The following RAMP2 variants were observed in gnomAD, a reference collection of about 807,000 sequenced individuals.
RAMP2 encodes the protein receptor activity modifying protein 2.
Under a neutral mutation model 18.2 loss-of-function variants are expected in RAMP2, and 11 were observed. That is an observed-to-expected ratio of 0.60 (90% CI 0.38 to 1.00). The LOEUF (loss-of-function observed/expected upper bound fraction) is 1.00, where lower values mean the gene tolerates loss of function less well. RAMP2 is among the 50% of genes least tolerant of loss of function. The pLI, the probability that RAMP2 is intolerant of heterozygous loss-of-function variation, is 0.01. For missense variants in RAMP2, 191 were observed against 226.5 expected, an observed-to-expected ratio of 0.84 and a Z score of 1.01; for synonymous variants, 86 against 90.8, an observed-to-expected ratio of 0.95 and a Z score of 0.30.
intron 3 of RAMP2, 41 bp downstream of exon 3, chr17:42,762,504 ACCTGCTCATTGCAGGTAGAC>A (rs1316945681): frequency 3.1e-6 from 5 of 1,611,748 alleles, no homozygotes; most frequent in Non-Finnish European, 4.2e-6. Flanking sequence ...CAGGGGGTGG[ACCTGCTCATTGCAGGTAGAC>A]CCTGAGTGAG....
Position 42,761,309 on chromosome 17 carries a change from G to C in RAMP2, c.48G>C (p.Arg16Ser), listed in dbSNP as rs1597884899. 1.5e-6 allele frequency: 2 copies of C among 1,363,508 alleles called. No individual in the cohort carries two copies. The highest frequency in any genetic ancestry group is 3.5e-5 in the South Asian group (2 of 56,682). 84.5% of individuals were successfully genotyped at this position (1,363,508 alleles called of 1,614,324 possible). A position where few individuals can be genotyped will look rare whatever the true frequency, so the allele number is the denominator to read the frequency against. The change falls in exon 1 of 4, where the codon AGG becomes AGC. Residue 16 changes from arginine (R) to serine (S), a missense_variant. Physicochemically the swap from Arg to Ser is moderately radical, Grantham distance 110. Coordinates refer to ENST00000253796, the MANE Select transcript of RAMP2 (RefSeq NM_005854.3). The surrounding 1 kb of genome is among the most constrained non-coding windows in gnomAD (Gnocchi z 4.2). ...GCGCCGGCGGCCCGCGTCTCCCTAG[G>C]ACCCGAGTCGGGCGGCCGGCAGCGC... The part of the protein sequence containing the change: ...VERAGGPRLP[R>S]TRVGRPAALR...
Position 42,762,728 on chromosome 17 carries a change from A to T in RAMP2, c.404A>T (p.Gln135Leu), listed in dbSNP as rs753918093. 1 of 1,614,060 alleles carries T rather than the reference A, an allele frequency of 6.2e-7. No individual in the cohort carries two copies. Among genetic ancestry groups the T allele is most frequent in the Non-Finnish European group, 8.5e-7 (1 of 1,179,982 alleles). ...CACTTTGCCAACTGCTCCCTGGTGCAGCCCACCTTCTCTGACCCCCCAGAG... is the reference window on the plus strand; with the variant it reads ...CACTTTGCCAACTGCTCCCTGGTGCTGCCCACCTTCTCTGACCCCCCAGAG... Reference protein sequence around the residue: ...QIHFANCSLVQPTFSDPPEDV... With the variant: ...QIHFANCSLVLPTFSDPPEDV... Residue 135 changes from glutamine (Q) to leucine (L), a missense_variant, in exon 4 of 4, where the codon CAG (glutamine) becomes CTG (leucine). Gln to Leu is a moderately radical substitution (Grantham distance 113). Coordinates refer to ENST00000253796, the MANE Select transcript of RAMP2 (RefSeq NM_005854.3).
chr17:42,762,758 T>C lies in RAMP2; in HGVS notation c.434T>C (p.Val145Ala), dbSNP rs200498109. The C allele has an allele frequency of 6.2e-7, 1 of 1,614,090 alleles. No individual in the cohort carries two copies. The highest frequency in any genetic ancestry group is 8.5e-7 in the Non-Finnish European group (1 of 1,179,962). The stretch of plus-strand genomic sequence containing the variant: ...ACCTTCTCTGACCCCCCAGAGGATG[T>C]ACTCCTGGCCATGATCATAGCCCCC... Reference protein sequence around the residue: ...QPTFSDPPEDVLLAMIIAPIC... With the variant: ...QPTFSDPPEDALLAMIIAPIC... Residue 145 changes from valine (V) to alanine (A), a missense_variant, in exon 4 of 4, where the codon GTA (valine) becomes GCA (alanine). Val to Ala is a moderately conservative substitution (Grantham distance 64). Coordinates refer to ENST00000253796, the MANE Select transcript of RAMP2 (RefSeq NM_005854.3).
chr17:42,761,796 C>G lies in RAMP2; in HGVS notation c.98-38C>G. 3 of 1,526,634 alleles carry G rather than the reference C, an allele frequency of 2.0e-6. No homozygotes were observed. The highest frequency in any genetic ancestry group is 2.7e-6 in the Non-Finnish European group (3 of 1,100,860). The allele number at this position is 1,526,634 out of a possible 1,614,324, so 94.6% of individuals were successfully genotyped here. ...CCTCGCAGGCTCCACTGCCGGGGTC[C>G]CCGCTATGTTACCCTCCTCTCCCGT... is the stretch of plus-strand genomic sequence containing the variant. On this transcript the variant is annotated intron_variant, in intron 1 of 3. Transcript: ENST00000253796. This position sits in a 1 kb window ranked among gnomAD's most constrained non-coding sequence, Gnocchi z 4.2.
At chr17:42,762,505 C>T in intron 3 of RAMP2, 42 bp downstream of exon 3, 1 of 1,611,768 alleles carries the variant, frequency 6.2e-7, no homozygotes, top group Non-Finnish European at 8.5e-7. Flanking sequence ...AGGGGGTGGA[C>T]CTGCTCATTG....
chr17:42,761,363 G>A lies in RAMP2; in HGVS notation c.97+5G>A. 7.5e-7 allele frequency: 1 copy of A among 1,328,034 alleles called. No homozygotes were observed. Among genetic ancestry groups the A allele is most frequent in the South Asian group, 2.0e-5 (1 of 48,886 alleles). 82.3% of individuals were successfully genotyped at this position (1,328,034 alleles called of 1,614,324 possible). On this transcript the variant is annotated splice_donor_5th_base_variant and intron_variant, in intron 1 of 3. Coordinates refer to ENST00000253796, the MANE Select transcript of RAMP2 (RefSeq NM_005854.3). The surrounding 1 kb of genome is among the most constrained non-coding windows in gnomAD (Gnocchi z 4.2). Reference sequence around the variant, plus strand: ...GCCTCCTCCTCCTGCTGGGCGGTGAGCGCGGCGCCCCGAGGCCCGGGCGGG... The same window carrying A: ...GCCTCCTCCTCCTGCTGGGCGGTGAACGCGGCGCCCCGAGGCCCGGGCGGG...
Position 42,761,469 on chromosome 17 carries a change from G to T in RAMP2, c.97+111G>T, listed in dbSNP as rs535143548. ...AGGCCGGAACGGGCCCTGGGGTGCG[G>T]GTTAGGACCGACGTACCTAGCAGCA... On this transcript the variant is annotated intron_variant, in intron 1 of 3. Coordinates refer to ENST00000253796, the MANE Select transcript of RAMP2 (RefSeq NM_005854.3). This position sits in a 1 kb window ranked among gnomAD's most constrained non-coding sequence, Gnocchi z 4.2. 13 of 933,128 alleles carry T rather than the reference G, an allele frequency of 1.4e-5. No homozygotes were observed. The Admixed American group carries it at 1.5e-4, about 11-fold the overall frequency. The allele number at this position is 933,128 out of a possible 1,614,324, so 57.8% of individuals were successfully genotyped here.
intron 3 of RAMP2, 27 bp downstream of exon 3, chr17:42,762,490 A>G: frequency 6.2e-7 from 1 of 1,613,368 alleles, no homozygotes; most frequent in East Asian, 2.2e-5. Context: ...AGGGTGGCTC[A>G]GGCCAGGGGG....
At position 42,761,395 on chromosome 17, in the gene RAMP2, G is replaced by T. The variant is rs2054363465; in HGVS notation, c.97+37G>T. 11 of 1,277,744 alleles carry T rather than the reference G, an allele frequency of 8.6e-6. No individual in the cohort carries two copies. Among genetic ancestry groups the T allele is most frequent in the South Asian group, 4.4e-5 (2 of 45,442 alleles). 79.2% of individuals were successfully genotyped at this position (1,277,744 alleles called of 1,614,324 possible). A position where few individuals can be genotyped will look rare whatever the true frequency, so the allele number is the denominator to read the frequency against. ...GCCCCGAGGCCCGGGCGGGAGGCGC[G>T]AGAGGCCCCGGAGGGGAGAGGGGAG... is the stretch of plus-strand genomic sequence containing the variant. On this transcript the variant is annotated intron_variant, in intron 1 of 3. Transcript: ENST00000253796. This position sits in a 1 kb window ranked among gnomAD's most constrained non-coding sequence, Gnocchi z 4.2.
Position 42,762,781 on chromosome 17 carries a change from C to T in RAMP2, c.457C>T (p.Pro153Ser). Residue 153 changes from proline to serine, a missense_variant, in exon 4 of 4, where the codon CCC (proline) becomes TCC (serine). Coordinates refer to ENST00000253796, the MANE Select transcript of RAMP2 (RefSeq NM_005854.3). ...EDVLLAMIIA[P>S]ICLIPFLITL... The stretch of plus-strand genomic sequence containing the variant: ...TGTACTCCTGGCCATGATCATAGCC[C>T]CCATCTGCCTCATCCCCTTCCTCAT... The T allele has an allele frequency of 1.9e-6, 3 of 1,613,958 alleles. No homozygotes were observed. Among genetic ancestry groups the T allele is most frequent in the Non-Finnish European group, 2.5e-6 (3 of 1,179,932 alleles).
chr17:42,762,356 G>A lies in RAMP2; in HGVS notation c.165G>A (p.Gly55=). ...ATTGTGTAGCATCTGTACCTACAGGGGGGACGGTGAAGAACTATGAGACAG... is the reference window on the plus strand; with the variant it reads ...ATTGTGTAGCATCTGTACCTACAGGAGGGACGGTGAAGAACTATGAGACAG... ...LPTTGTPGSE[G]GTVKNYETAV... is the part of the protein sequence containing the mutation. Residue 55 remains glycine, a splice_region_variant and synonymous_variant, in exon 3 of 4, where the codon GGG becomes GGA. Coordinates refer to ENST00000253796, the MANE Select transcript of RAMP2 (RefSeq NM_005854.3). The A allele has an allele frequency of 3.1e-6, 5 of 1,614,064 alleles. No homozygotes were observed. The highest frequency in any genetic ancestry group is 4.2e-6 in the Non-Finnish European group (5 of 1,179,976).
Position 42,761,492 on chromosome 17 carries a change from G to A in RAMP2, c.97+134G>A. ...CGGGTTAGGACCGACGTACCTAGCA[G>A]CACTGGCCCTCGGACGGTCCCTGAC... On this transcript the variant is annotated intron_variant, in intron 1 of 3. Coordinates refer to ENST00000253796, the MANE Select transcript of RAMP2 (RefSeq NM_005854.3). This position sits in a 1 kb window ranked among gnomAD's most constrained non-coding sequence, Gnocchi z 4.2. 2 of 767,742 alleles carry A rather than the reference G, an allele frequency of 2.6e-6. No individual in the cohort carries two copies. The highest frequency in any genetic ancestry group is 1.9e-6 in the Non-Finnish European group (1 of 515,626). 47.6% of individuals were successfully genotyped at this position (767,742 alleles called of 1,614,324 possible).
At chr17:42,762,566 C>T (rs899341750) in intron 3 of RAMP2, 31 bp from the exon 4 acceptor site, 10 of 1,577,358 alleles carry the variant, frequency 6.3e-6, no homozygotes, top group African/African-American at 1.4e-5. Flanking sequence ...GGTCCACCCC[C>T]TCTCTCACTC....
At position 42,761,444 on chromosome 17, in the gene RAMP2, A is replaced by C. The variant is rs2054363986; in HGVS notation, c.97+86A>C. The C allele has an allele frequency of 1.8e-6, 2 of 1,116,380 alleles. No homozygotes were observed. The highest frequency in any genetic ancestry group is 3.2e-5 in the East Asian group (1 of 31,140). The allele number at this position is 1,116,380 out of a possible 1,614,324, so 69.2% of individuals were successfully genotyped here. On this transcript the variant is annotated intron_variant, in intron 1 of 3. Transcript: ENST00000253796. The surrounding 1 kb of genome is among the most constrained non-coding windows in gnomAD (Gnocchi z 4.2). ...AGAGGGGAGAGGGGCTGGATGGCCGAGGCCGGAACGGGCCCTGGGGTGCGG... is the reference window on the plus strand; with the variant it reads ...AGAGGGGAGAGGGGCTGGATGGCCGCGGCCGGAACGGGCCCTGGGGTGCGG...
At position 42,762,897 on chromosome 17, in the gene RAMP2, C is replaced by A. The variant is rs2054374819; in HGVS notation, c.*45C>A. ...CAACCATGTTACTCCACTTCCCCACCCCCACCAGGCCTCCCTCCTCCCCTC... is the reference window on the plus strand; with the variant it reads ...CAACCATGTTACTCCACTTCCCCACACCCACCAGGCCTCCCTCCTCCCCTC... On this transcript the variant is annotated 3_prime_UTR_variant, in exon 4 of 4. Transcript: ENST00000253796. 1.3e-6 allele frequency: 2 copies of A among 1,522,168 alleles called. No individual in the cohort carries two copies. The highest frequency in any genetic ancestry group is 1.9e-5 in the Admixed American group (1 of 53,464). 94.3% of individuals were successfully genotyped at this position (1,522,168 alleles called of 1,614,324 possible). A position where few individuals can be genotyped will look rare whatever the true frequency, so the allele number is the denominator to read the frequency against.
Position 42,761,485 on chromosome 17 carries a change from C to T in RAMP2, c.97+127C>T. The T allele has an allele frequency of 2.5e-6, 2 of 784,616 alleles. No homozygotes were observed. The highest frequency in any genetic ancestry group is 3.7e-6 in the Non-Finnish European group (2 of 538,726). The allele number at this position is 784,616 out of a possible 1,614,324, so 48.6% of individuals were successfully genotyped here. A position where few individuals can be genotyped will look rare whatever the true frequency, so the allele number is the denominator to read the frequency against. ...TGGGGTGCGGGTTAGGACCGACGTA[C>T]CTAGCAGCACTGGCCCTCGGACGGT... On this transcript the variant is annotated intron_variant, in intron 1 of 3. Transcript: ENST00000253796. This position sits in a 1 kb window ranked among gnomAD's most constrained non-coding sequence, Gnocchi z 4.2.
rs910203866 is a variant in RAMP2 at position 42,762,931 on chromosome 17, T to G, written c.*79T>G. On this transcript the variant is annotated 3_prime_UTR_variant, in exon 4 of 4. Transcript: ENST00000253796. The stretch of plus-strand genomic sequence containing the variant: ...GCCTCCCTCCTCCCCTCCTACTCCC[T>G]TTTCTCACTCTCATCCCCACCACAG... 11 of 1,407,896 alleles carry G rather than the reference T, an allele frequency of 7.8e-6. No homozygotes were observed. In the South Asian group the frequency reaches 1.4e-4, roughly 18 times the overall value. 87.2% of individuals were successfully genotyped at this position (1,407,896 alleles called of 1,614,324 possible).
In RAMP2 at chr17:42,761,313, C is replaced by A; in HGVS notation, c.52C>A (p.Arg18=). ...CGGCGGCCCGCGTCTCCCTAGGACC[C>A]GAGTCGGGCGGCCGGCAGCGCTCCG... The part of the protein sequence containing the change: ...RAGGPRLPRT[R]VGRPAALRLL... Residue 18 remains arginine, a synonymous_variant, in exon 1 of 4, where the codon CGA becomes AGA. Coordinates refer to ENST00000253796, the MANE Select transcript of RAMP2 (RefSeq NM_005854.3). The surrounding 1 kb of genome is among the most constrained non-coding windows in gnomAD (Gnocchi z 4.2). 7.7e-7 allele frequency: 1 copy of A among 1,302,066 alleles called. No individual in the cohort carries two copies. Among genetic ancestry groups the A allele is most frequent in the Non-Finnish European group, 9.8e-7 (1 of 1,023,176 alleles). The allele number at this position is 1,302,066 out of a possible 1,614,324, so 80.7% of individuals were successfully genotyped here.
Position 42,762,658 on chromosome 17 carries a change from C to T in RAMP2, c.334C>T (p.Pro112Ser). The T allele has an allele frequency of 6.2e-7, 1 of 1,614,062 alleles. No individual in the cohort carries two copies. The highest frequency in any genetic ancestry group is 8.5e-7 in the Non-Finnish European group (1 of 1,179,952). ...HFAELFDLGF[P>S]NPLAERIIFE... Reference sequence around the variant, plus strand: ...TGCAGAGTTGTTTGACCTGGGCTTCCCCAATCCCTTGGCAGAGAGGATCAT... The same window carrying T: ...TGCAGAGTTGTTTGACCTGGGCTTCTCCAATCCCTTGGCAGAGAGGATCAT... Residue 112 changes from proline (P) to serine (S), a missense_variant, in exon 4 of 4, where the codon CCC (proline) becomes TCC (serine). Coordinates refer to ENST00000253796, the MANE Select transcript of RAMP2 (RefSeq NM_005854.3).
Sources: gnomAD v4.1 joint callset for allele counts on GRCh38, gnomAD v4.1.1 for gene constraint, Gnocchi (gnomAD v3.1) non-coding constraint, MANE v1.5 for transcripts, NCBI Gene and HGNC (gene_info 2026-07-23, HGNC 2026-07-21) for gene names.